Variants in KIAA0319L observed in about 807,000 individuals in gnomAD.
The protein encoded by KIAA0319L is dyslexia-associated protein KIAA0319-like protein.
Under a neutral mutation model 120.1 loss-of-function variants are expected in KIAA0319L, and 55 were observed. The observed-to-expected ratio is 0.46, with a 90% CI of 0.37 to 0.57. The LOEUF (loss-of-function observed/expected upper bound fraction) is 0.57. Among genes scored for constraint, KIAA0319L ranks in the 20% least tolerant of loss-of-function variants. The probability of loss-of-function intolerance (pLI) is 0.00; values close to 1 mark genes in which losing one functional copy is unlikely to be tolerated. For missense variants in KIAA0319L, 1,049 were observed against 1,255.3 expected (o/e 0.84, Z 2.48); for synonymous variants, 398 against 471.9 (o/e 0.84, Z 2.03).
intron 3 of KIAA0319L, among the ~76,000 whole-genome samples, chr1:35,484,024 ATT>A: frequency 6.6e-6 from 1 of 152,286 alleles, no homozygotes; most frequent in Middle Eastern, 3.4e-3. Flanking sequence ...GACACCAGTC[ATT>A]ATATTAAGGG....
intron 2 of KIAA0319L, among the ~76,000 whole-genome samples, chr1:35,516,912 C>T (rs1270161424): frequency 6.6e-6 from 1 of 151,954 alleles, no homozygotes; most frequent in Non-Finnish European, 1.5e-5. Context: ...CACACCAACA[C>T]CACCCAAGCC....
At chr1:35,544,368 CAAA>C (rs748228266) in intron 2 of KIAA0319L, among the ~76,000 whole-genome samples, 1 of 53,206 alleles carries the variant, frequency 1.9e-5, no homozygotes, top group African/African-American at 6.8e-5. Flanking sequence ...GACTCAATCT[CAAA>C]AAAAAAAAAA....
At chr1:35,501,526 G>A (rs1645004667) in intron 3 of KIAA0319L, among the ~76,000 whole-genome samples, 1 of 152,024 alleles carries the variant, frequency 6.6e-6, no homozygotes, top group South Asian at 2.1e-4. Context: ...TTGACATCTG[G>A]CTTTCAAAAG....
chr1:35,526,728 T>C (rs1027381027), intron 2 of KIAA0319L, among the ~76,000 whole-genome samples: 5 of 152,120 alleles, frequency 3.3e-5, no homozygotes, highest in Non-Finnish European at 7.4e-5. Context: ...GCTTTATTCT[T>C]TTTGTTCAAA....
chr1:35,514,354 T>C (rs1645592814), intron 2 of KIAA0319L, among the ~76,000 whole-genome samples: 1 of 146,992 alleles, frequency 6.8e-6, no homozygotes, highest in South Asian at 2.1e-4. Context: ...GTATCATCGA[T>C]GCTAGGGATT....
chr1:35,498,254 AC>A (rs1366335135), intron 3 of KIAA0319L, among the ~76,000 whole-genome samples: 1 of 151,942 alleles, frequency 6.6e-6, no homozygotes, highest in African/African-American at 2.4e-5. Flanking sequence ...AATCACTAGA[AC>A]CCAGGAGGCG....
chr1:35,453,421 A>C lies in KIAA0319L; in HGVS notation c.1913+136T>G. ...TCATTTTCTTGGAGTTGAAGTTTGGAATTGCAAACATTTCTTCCTCAGTCA... is the reference window on the plus strand; with the variant it reads ...TCATTTTCTTGGAGTTGAAGTTTGGCATTGCAAACATTTCTTCCTCAGTCA... On this transcript the variant is annotated intron_variant, in intron 12 of 20. Coordinates refer to ENST00000325722, the MANE Select transcript of KIAA0319L (RefSeq NM_024874.5). The surrounding 1 kb of genome is among the most constrained non-coding windows in gnomAD (Gnocchi z 4.1). 3 of 718,458 alleles carry C rather than the reference A, an allele frequency of 4.2e-6. No individual in the cohort carries two copies. Among genetic ancestry groups the C allele is most frequent in the Non-Finnish European group, 2.3e-6 (1 of 433,604 alleles). The allele number at this position is 718,458 out of a possible 1,614,324, so 44.5% of individuals were successfully genotyped here.
intron 3 of KIAA0319L, among the ~76,000 whole-genome samples, chr1:35,483,584 T>C (rs976213797): frequency 4.6e-5 from 7 of 152,222 alleles, no homozygotes; most frequent in African/African-American, 1.7e-4. Context: ...ATTAACTTAA[T>C]CTAGTTTTAT....
At chr1:35,446,546 TCTA>T (rs766521893) in intron 16 of KIAA0319L, among the ~76,000 whole-genome samples, 1 of 152,198 alleles carries the variant, frequency 6.6e-6, no homozygotes, top group Non-Finnish European at 1.5e-5. Flanking sequence ...GTTGCACTGA[TCTA>T]CTAATCACAA....
chr1:35,530,236 G>A (rs78302577), intron 2 of KIAA0319L, among the ~76,000 whole-genome samples: 1,787 of 146,256 alleles, frequency 0.012, 36 homozygotes, highest in African/African-American at 0.043. Flanking sequence ...GCTTCACTAT[G>A]TTGCCCATCT....
chr1:35,498,219 G>A (rs1158876518), intron 3 of KIAA0319L, among the ~76,000 whole-genome samples: 1 of 152,052 alleles, frequency 6.6e-6, no homozygotes, highest in Non-Finnish European at 1.5e-5. Flanking sequence ...TGTAATCCCA[G>A]CTACTTGGGA....
intron 3 of KIAA0319L, among the ~76,000 whole-genome samples, chr1:35,485,564 T>C (rs933453402): frequency 6.6e-6 from 1 of 152,248 alleles, no homozygotes; most frequent in South Asian, 2.1e-4. Flanking sequence ...CAGAGATATG[T>C]GGAGAGCTTA....
At position 35,434,327 on chromosome 1, in the gene KIAA0319L, T is replaced by G. The variant is rs1640626561; in HGVS notation, c.*567A>C. The G allele has an allele frequency of 6.6e-6, 1 of 152,258 alleles. No homozygotes were observed. Among genetic ancestry groups the G allele is most frequent in the African/African-American group, 2.4e-5 (1 of 41,390 alleles). 9.4% of individuals were successfully genotyped at this position (152,258 alleles called of 1,614,324 possible). On this transcript the variant is annotated 3_prime_UTR_variant, in exon 21 of 21. Coordinates refer to ENST00000325722, the MANE Select transcript of KIAA0319L (RefSeq NM_024874.5). Reference sequence around the variant, plus strand: ...TGGTCTTGATCTCCTGACCTCATGATCCGCCCGCCTCGGCCTCCCAAAGTG... The same window carrying G: ...TGGTCTTGATCTCCTGACCTCATGAGCCGCCCGCCTCGGCCTCCCAAAGTG...
intron 2 of KIAA0319L, among the ~76,000 whole-genome samples, chr1:35,528,318 G>A (rs1389173013): frequency 6.6e-6 from 1 of 152,178 alleles, no homozygotes; most frequent in African/African-American, 2.4e-5. Flanking sequence ...CTGGTCTCAA[G>A]TGATCCTCCT....
chr1:35,549,892 G>A (rs759555460), intron 2 of KIAA0319L, among the ~76,000 whole-genome samples: 2 of 152,126 alleles, frequency 1.3e-5, no homozygotes, highest in African/African-American at 2.4e-5. Context: ...CTTGGTACCC[G>A]CTAAGAATAT....
In KIAA0319L at chr1:35,508,428, A is replaced by G. The variant is rs77778335; in HGVS notation, c.143-1293T>C. On this transcript the variant is annotated intron_variant, in intron 2 of 20. Coordinates refer to ENST00000325722, the MANE Select transcript of KIAA0319L (RefSeq NM_024874.5). ...CCAAAGCCAATCTGACTCCCACGGA[A>G]TACTTACTAAATGTCCAACGGACTA... Among the ~76,000 whole-genome samples, 1,142 of 152,348 alleles carry G rather than the reference A, an allele frequency of 7.5e-3. 13 individuals are homozygous for G. The highest frequency in any genetic ancestry group is 0.026 in the African/African-American group (1,095 of 41,578).
intron 12 of KIAA0319L, among the ~76,000 whole-genome samples, chr1:35,452,827 A>G (rs1570648249): frequency 8.0e-6 from 1 of 124,532 alleles, no homozygotes; most frequent in South Asian, 2.7e-4. Context: ...TGCCTTTGTC[A>G]AACAAACAAA....
At chr1:35,529,417 C>T (rs975009274) in intron 2 of KIAA0319L, among the ~76,000 whole-genome samples, 2 of 152,178 alleles carry the variant, frequency 1.3e-5, no homozygotes, top group Admixed American at 6.5e-5. Flanking sequence ...TATACTTTCA[C>T]GAGTTTTCAT....
intron 6 of KIAA0319L, among the ~76,000 whole-genome samples, chr1:35,469,611 T>C (rs936166577): frequency 2.6e-5 from 4 of 151,632 alleles, no homozygotes; most frequent in Admixed American, 2.6e-4. Flanking sequence ...GTATTATCCC[T>C]TCACCCTTTA....
Sources: allele counts gnomAD v4.1 joint callset (sites outside exome capture counted in the v4.1 genomes callset), GRCh38; gene constraint gnomAD v4.1.1; non-coding constraint Gnocchi (gnomAD v3.1); transcripts MANE v1.5; gene names NCBI Gene and HGNC (gene_info 2026-07-23, HGNC 2026-07-21).